Variants in KATNIP observed in about 807,000 individuals in gnomAD.
KATNIP encodes the protein katanin interacting protein.
A neutral mutation model predicts 174.0 loss-of-function variants in KATNIP; 126 were observed. The observed-to-expected ratio is 0.72, with a 90% confidence interval of 0.63 to 0.84. The LOEUF is 0.84. Among genes scored for constraint, KATNIP ranks in the 40% least tolerant of loss-of-function variants. KATNIP has a pLI of 0.00. For synonymous variants in KATNIP, 810 were observed against 835.7 expected (o/e 0.97, Z 0.53); for missense variants, 1,958 against 2,109.7 (o/e 0.93, Z 1.41).
intron 14 of KATNIP, among the ~76,000 whole-genome samples, chr16:27,735,000 A>T (rs2080845525): frequency 6.6e-6 from 1 of 152,252 alleles, no homozygotes; most frequent in South Asian, 2.1e-4. Flanking sequence ...TCCTTTAAAC[A>T]GAATATCCAG....
intron 3 of KATNIP, among the ~76,000 whole-genome samples, chr16:27,619,027 ACAT>A (rs2076123149): frequency 6.6e-6 from 1 of 152,222 alleles, no homozygotes; most frequent in Non-Finnish European, 1.5e-5. Flanking sequence ...CAAGGTCAAA[ACAT>A]CATGGTCTGG....
rs145062655 is a variant in KATNIP, at chr16:27,667,651, G to A, written c.541-10078G>A. Among the ~76,000 whole-genome samples the A allele has an allele frequency of 9.0e-3, 1,365 of 152,224 alleles. 17 individuals carry two copies. The highest frequency in any genetic ancestry group is 0.012 in the Non-Finnish European group (791 of 68,014). ...ACCCCCAAGACTGCTGCTAGCTCTT[G>A]AGGACTGTCTTAAAGTTTCCACTGT... On this transcript the variant is annotated intron_variant, in intron 6 of 27. Coordinates refer to ENST00000261588, the MANE Select transcript of KATNIP (RefSeq NM_015202.5).
chr16:27,772,645 G>A (rs188437996), intron 22 of KATNIP, among the ~76,000 whole-genome samples: 1 of 152,212 alleles, frequency 6.6e-6, no homozygotes, highest in East Asian at 1.9e-4. Context: ...GAAAGGGATG[G>A]AGGAGGTTGC....
At chr16:27,695,869 C>T (rs933349180) in intron 8 of KATNIP, among the ~76,000 whole-genome samples, 1 of 152,210 alleles carries the variant, frequency 6.6e-6, no homozygotes, top group Non-Finnish European at 1.5e-5. Context: ...CATCCATTAC[C>T]CATCCTTGGC....
chr16:27,590,833 A>T (rs758740212), intron 2 of KATNIP, among the ~76,000 whole-genome samples: 2 of 152,144 alleles, frequency 1.3e-5, no homozygotes, highest in African/African-American at 4.8e-5. Flanking sequence ...CATGAATTCA[A>T]TTCTGTCTGC....
At position 27,704,889 on chromosome 16, in the gene KATNIP, G is replaced by A. The variant is rs183956702; in HGVS notation, c.1389+891G>A. Among the ~76,000 whole-genome samples, 165 of 147,510 alleles carry A rather than the reference G, an allele frequency of 1.1e-3. 2 individuals carry two copies. The highest frequency in any genetic ancestry group is 4.0e-3 in the African/African-American group (160 of 40,314). Reference sequence around the variant, plus strand: ...TAGGATTAACGGTGATTCGATTTTCGTTCTTTTCTTTTTTTTCTTTTTTTT... The same window carrying A: ...TAGGATTAACGGTGATTCGATTTTCATTCTTTTCTTTTTTTTCTTTTTTTT... On this transcript the variant is annotated intron_variant, in intron 12 of 27. Transcript: ENST00000261588.
chr16:27,647,492 C>T (rs1159554852), intron 5 of KATNIP, among the ~76,000 whole-genome samples: 1 of 147,390 alleles, frequency 6.8e-6, no homozygotes, highest in East Asian at 2.0e-4. Flanking sequence ...CAGGCACACA[C>T]CACCACACCT....
At chr16:27,701,768 C>A in intron 11 of KATNIP, 73 bp downstream of exon 11, 1 of 1,043,016 alleles carries the variant, frequency 9.6e-7, no homozygotes. Flanking sequence ...CATGAGGGTT[C>A]TTTGCTTTTC....
chr16:27,772,962 T>C (rs972123981), intron 22 of KATNIP, 137 bp from the exon 23 acceptor site: 14 of 607,598 alleles, frequency 2.3e-5, no homozygotes, highest in Non-Finnish European at 3.5e-5. Context: ...TGATAGGCTC[T>C]AGTTGCAATA....
chr16:27,680,590 T>A (rs8058028), intron 7 of KATNIP, among the ~76,000 whole-genome samples: 7,959 of 152,256 alleles, frequency 0.052, 323 homozygotes, highest in Non-Finnish European at 0.072. Context: ...GCAGTGGCAC[T>A]ATCATAACTC....
At chr16:27,574,306 C>T (rs1374778087) in intron 2 of KATNIP, 3 of 301,074 alleles carry the variant, frequency 1.0e-5, no homozygotes, top group Non-Finnish European at 1.9e-5. Context: ...TTGGACCAGG[C>T]TCCGCATGGT....
intron 11 of KATNIP, among the ~76,000 whole-genome samples, chr16:27,702,052 A>G (rs896336304): frequency 2.6e-5 from 4 of 152,110 alleles, no homozygotes; most frequent in African/African-American, 9.7e-5. Context: ...TCGGCCTCTC[A>G]AACAGGCGTA....
At position 27,731,896 on chromosome 16, in the gene KATNIP, C is replaced by T. The variant is rs558476703; in HGVS notation, c.1744-8145C>T. The stretch of plus-strand genomic sequence containing the variant: ...TTGGCCTCCCAAAGTGCTGGGATTA[C>T]AGGCATGAGTTACTGCGCCTGGCAC... On this transcript the variant is annotated intron_variant, in intron 14 of 27. Transcript: ENST00000261588. 4.6e-5 allele frequency among the ~76,000 whole-genome samples: 7 copies of T among 152,282 alleles called. 1 individual carries two copies. In the South Asian group the frequency reaches 1.2e-3, roughly 27 times the overall value.
intron 7 of KATNIP, among the ~76,000 whole-genome samples, chr16:27,680,597 A>G (rs1362424649): frequency 6.6e-6 from 1 of 152,022 alleles, no homozygotes; most frequent in Non-Finnish European, 1.5e-5. Flanking sequence ...CACTATCATA[A>G]CTCACTGCAG....
intron 2 of KATNIP, among the ~76,000 whole-genome samples, chr16:27,608,399 C>T (rs1341401899): frequency 5.2e-4 from 51 of 97,540 alleles, no homozygotes; most frequent in South Asian, 8.3e-4. Flanking sequence ...ACTGGTGAAT[C>T]TTTTTTTTTT....
rs559352525 is a variant in KATNIP, at chr16:27,683,170, A to C, written c.940+1640A>C. Reference sequence around the variant, plus strand: ...GAGACTGAGGCAACCCAGGTCCCGGAGTTGGGATCTGTGCATGCACAAGCC... The same window carrying C: ...GAGACTGAGGCAACCCAGGTCCCGGCGTTGGGATCTGTGCATGCACAAGCC... On this transcript the variant is annotated intron_variant, in intron 8 of 27. Transcript: ENST00000261588. Among the ~76,000 whole-genome samples, 6 of 152,278 alleles carry C rather than the reference A, an allele frequency of 3.9e-5. No individual in the cohort carries two copies. The East Asian group carries it at 9.7e-4, about 25-fold the overall frequency.
At chr16:27,731,126 C>A (rs896277911) in intron 14 of KATNIP, among the ~76,000 whole-genome samples, 1 of 152,152 alleles carries the variant, frequency 6.6e-6, no homozygotes. Context: ...CAGGACCCCC[C>A]CGTCCCCCAC....
chr16:27,756,576 T>C (rs1217509958), intron 18 of KATNIP, among the ~76,000 whole-genome samples: 1 of 152,216 alleles, frequency 6.6e-6, no homozygotes, highest in Non-Finnish European at 1.5e-5. Context: ...GGGTTGCCAC[T>C]GGGAGAGCAC....
chr16:27,647,297 A>G (rs1406827222), intron 5 of KATNIP, among the ~76,000 whole-genome samples: 2 of 152,128 alleles, frequency 1.3e-5, no homozygotes, highest in Non-Finnish European at 2.9e-5. Context: ...CTGCAGTGTG[A>G]GTATGTAGGC....
Sources: allele counts gnomAD v4.1 joint callset (sites outside exome capture counted in the v4.1 genomes callset), GRCh38; gene constraint gnomAD v4.1.1; transcripts MANE v1.5; gene names NCBI Gene and HGNC (gene_info 2026-07-23, HGNC 2026-07-21).